Variants in SLC35F2 observed in about 807,000 individuals in gnomAD.
SLC35F2 encodes queuine/queuosine transporter SLC35F2.
In SLC35F2, 25 loss-of-function variants were observed where a neutral mutation model predicts 38.1. The observed-to-expected ratio is 0.66, with a 90% CI of 0.48 to 0.92. SLC35F2 has a LOEUF of 0.92. Ranked by LOEUF, SLC35F2 falls within the 40% of genes least tolerant of loss-of-function variation. The probability of loss-of-function intolerance (pLI) is 0.00; values close to 1 mark genes in which losing one functional copy is unlikely to be tolerated. For missense variants in SLC35F2, 409 were observed against 452.9 expected, an observed-to-expected ratio of 0.90 and a Z score of 0.88; for synonymous variants, 173 against 181.7, an observed-to-expected ratio of 0.95 and a Z score of 0.38.
intron 2 of SLC35F2, among the ~76,000 whole-genome samples, chr11:107,815,002 C>T (rs1048289940): frequency 5.9e-5 from 9 of 151,978 alleles, no homozygotes; most frequent in African/African-American, 2.2e-4. Context: ...CACTTGAACC[C>T]AGGAGGCGGA....
rs1859339210 is a variant in SLC35F2, at chr11:107,803,138, A to G, written c.802T>C (p.Phe268Leu). The G allele has an allele frequency of 1.2e-6, 2 of 1,610,792 alleles. No individual in the cohort carries two copies. Among genetic ancestry groups the G allele is most frequent in the Non-Finnish European group, 1.7e-6 (2 of 1,179,180 alleles). The change falls in exon 7 of 8, where the codon TTT becomes CTT. Residue 268 changes from phenylalanine to leucine, a missense_variant. By Grantham distance (22) the Phe-to-Leu change is conservative. Transcript: ENST00000525815. ...DWKIALLFVA[F>L]ALCMFCLYSF... ...TACAGGCAAAACATACACAGGGCAAATGCCACGAACAGCAGGGCTGTGGAA... is the reference window on the plus strand; with the variant it reads ...TACAGGCAAAACATACACAGGGCAAGTGCCACGAACAGCAGGGCTGTGGAA...
At chr11:107,810,509 C>A (rs944593366) in intron 3 of SLC35F2, 1 of 985,030 alleles carries the variant, frequency 1.0e-6, no homozygotes, top group Non-Finnish European at 1.2e-6. Context: ...ATGTATACTT[C>A]ATTAACCAAC....
chr11:107,837,592 G>A (rs989696062), intron 1 of SLC35F2, among the ~76,000 whole-genome samples: 1 of 152,062 alleles, frequency 6.6e-6, no homozygotes, highest in Non-Finnish European at 1.5e-5. Context: ...TACTCGGGAG[G>A]CTGACGCAGG....
chr11:107,802,948 C>G lies in SLC35F2; in HGVS notation c.939+53G>C. The G allele has an allele frequency of 2.7e-6, 4 of 1,500,442 alleles. No homozygotes were observed. In the South Asian group the frequency reaches 5.3e-5, roughly 20 times the overall value. The allele number at this position is 1,500,442 out of a possible 1,614,324, so 92.9% of individuals were successfully genotyped here. On this transcript the variant is annotated intron_variant, in intron 7 of 7. Transcript: ENST00000525815. ...TCTAGAGTCTTGAAGAAACCTGCTA[C>G]GTTTTTTGGATCCAAGCAAGTATTC...
At position 107,818,076 on chromosome 11, in the gene SLC35F2, G is replaced by A. The variant is rs200952528; in HGVS notation, c.111-2111C>T. 2.9e-3 allele frequency among the ~76,000 whole-genome samples: 168 copies of A among 58,562 alleles called. 2 individuals carry two copies. The highest frequency in any genetic ancestry group is 7.7e-3 in the Middle Eastern group (1 of 130). The allele number at this position is 58,562 out of a possible 152,430, so 38.4% of individuals were successfully genotyped here. A position where few individuals can be genotyped will look rare whatever the true frequency, so the allele number is the denominator to read the frequency against. On this transcript the variant is annotated intron_variant, in intron 1 of 7. Coordinates refer to ENST00000525815, the MANE Select transcript of SLC35F2 (RefSeq NM_017515.5). ...TGTCTCAAAAAAAAAAAAAAAAAAA[G>A]AAAGAAAGAAAGAAAGAAAGAAAGA... is the stretch of plus-strand genomic sequence containing the variant.
chr11:107,838,313 A>G (rs1390184063), intron 1 of SLC35F2, among the ~76,000 whole-genome samples: 1 of 152,072 alleles, frequency 6.6e-6, no homozygotes, highest in Non-Finnish European at 1.5e-5. Flanking sequence ...GTACTTATAT[A>G]TGATGTTTCT....
intron 1 of SLC35F2, among the ~76,000 whole-genome samples, chr11:107,836,554 A>G (rs1859934415): frequency 6.6e-6 from 1 of 152,234 alleles, no homozygotes; most frequent in South Asian, 2.1e-4. Context: ...TCCCAGCTGT[A>G]GTCAGAAGGA....
intron 1 of SLC35F2, among the ~76,000 whole-genome samples, chr11:107,844,060 C>T (rs1860063768): frequency 6.6e-6 from 1 of 151,604 alleles, no homozygotes; most frequent in Non-Finnish European, 1.5e-5. Flanking sequence ...TACTCTTTGC[C>T]ATCCCTAGAG....
intron 1 of SLC35F2, among the ~76,000 whole-genome samples, chr11:107,847,877 G>A (rs1002174567): frequency 2.0e-5 from 3 of 152,172 alleles, no homozygotes; most frequent in African/African-American, 7.2e-5. Flanking sequence ...GGACATTCTG[G>A]GAGGTGAGCC....
chr11:107,798,139 G>C (rs1859250082), intron 7 of SLC35F2, among the ~76,000 whole-genome samples: 1 of 152,042 alleles, frequency 6.6e-6, no homozygotes, highest in African/African-American at 2.4e-5. Context: ...AAGTAACTGG[G>C]ATTACAGGTG....
intron 1 of SLC35F2, among the ~76,000 whole-genome samples, chr11:107,825,015 A>G (rs1381761413): frequency 1.3e-5 from 2 of 152,056 alleles, no homozygotes; most frequent in Admixed American, 1.3e-4. Context: ...ACTTAAATAA[A>G]ATAGCCATAT....
intron 1 of SLC35F2, among the ~76,000 whole-genome samples, chr11:107,843,593 C>A (rs1477313453): frequency 2.1e-5 from 3 of 145,254 alleles, no homozygotes; most frequent in African/African-American, 7.7e-5. Flanking sequence ...GAGTGGCTCA[C>A]GCCTATAATC....
At chr11:107,797,701 C>T (rs867761389) in intron 7 of SLC35F2, among the ~76,000 whole-genome samples, 2 of 152,086 alleles carry the variant, frequency 1.3e-5, no homozygotes, top group Admixed American at 6.6e-5. Flanking sequence ...TATTTCTTAA[C>T]GTTAAACCTT....
intron 7 of SLC35F2, among the ~76,000 whole-genome samples, chr11:107,799,976 C>A (rs1035403607): frequency 6.6e-6 from 1 of 151,694 alleles, no homozygotes; most frequent in African/African-American, 2.4e-5. Context: ...GCAAGCTCTG[C>A]CTCCCAGGTT....
At position 107,791,530 on chromosome 11, in the gene SLC35F2, G is replaced by C. The variant is rs1859131711; in HGVS notation, c.*1085C>G. On this transcript the variant is annotated 3_prime_UTR_variant, in exon 8 of 8. Coordinates refer to ENST00000525815, the MANE Select transcript of SLC35F2 (RefSeq NM_017515.5). ...CAGTGTCACAGGCTCCGAGAGCAGA[G>C]AGAGTTTGCTCTGGGACCTGGAATG... is the stretch of plus-strand genomic sequence containing the variant. 6.6e-6 allele frequency: 1 copy of C among 152,244 alleles called. No individual in the cohort carries two copies. The highest frequency in any genetic ancestry group is 2.4e-5 in the African/African-American group (1 of 41,448). The allele number at this position is 152,244 out of a possible 1,614,324, so 9.4% of individuals were successfully genotyped here.
chr11:107,837,886 T>C (rs922733447), intron 1 of SLC35F2, among the ~76,000 whole-genome samples: 2 of 152,206 alleles, frequency 1.3e-5, no homozygotes, highest in South Asian at 2.1e-4. Flanking sequence ...CATCGTGTTA[T>C]GGATTTTTTG....
At chr11:107,814,207 C>A (rs35504236) in intron 2 of SLC35F2, among the ~76,000 whole-genome samples, 1 of 152,028 alleles carries the variant, frequency 6.6e-6, no homozygotes, top group Non-Finnish European at 1.5e-5. Flanking sequence ...TGGACAGGCA[C>A]CTATAATCCC....
chr11:107,836,131 T>C (rs1270230610), intron 1 of SLC35F2, among the ~76,000 whole-genome samples: 3 of 152,196 alleles, frequency 2.0e-5, no homozygotes, highest in Non-Finnish European at 2.9e-5. Flanking sequence ...CAATTATTGG[T>C]TTATTATTTC....
intron 7 of SLC35F2, among the ~76,000 whole-genome samples, chr11:107,799,879 TTTTG>T (rs1555082158): frequency 8.7e-6 from 1 of 114,840 alleles, no homozygotes; most frequent in African/African-American, 3.2e-5. Flanking sequence ...TTTTTTTTGT[TTTTG>T]TTTGTTTTTG....
Sources: gnomAD v4.1 joint callset for allele counts (sites outside exome capture counted in the v4.1 genomes callset) on GRCh38, gnomAD v4.1.1 for gene constraint, MANE v1.5 for transcripts, NCBI Gene and HGNC (gene_info 2026-07-23, HGNC 2026-07-21) for gene names.